HPSE2: variants seen among roughly 807,000 people sequenced by gnomAD.
The protein encoded by HPSE2 is inactive heparanase-2.
Under a neutral mutation model 60.5 loss-of-function variants are expected in HPSE2, and 38 were observed. The ratio of observed to expected loss-of-function variants is 0.63; its 90% confidence interval spans 0.48 to 0.82. The LOEUF is 0.82. Among genes scored for constraint, HPSE2 ranks in the 40% least tolerant of loss-of-function variants. HPSE2 has a pLI of 0.00. For missense variants in HPSE2, 713 were observed against 740.4 expected (o/e 0.96, Z 0.43); for synonymous variants, 295 against 293.2 (o/e 1.01, Z -0.06).
intron 3 of HPSE2, among the ~76,000 whole-genome samples, chr10:99,046,516 T>C (rs566639745): frequency 1.3e-5 from 2 of 151,694 alleles, no homozygotes; most frequent in Non-Finnish European, 2.9e-5. Flanking sequence ...AAAACACAAA[T>C]AGGAAAAGAA....
At chr10:98,489,523 G>A (rs1353047947) in intron 10 of HPSE2, among the ~76,000 whole-genome samples, 2 of 152,162 alleles carry the variant, frequency 1.3e-5, no homozygotes, top group African/African-American at 4.8e-5. Flanking sequence ...ACTGGAAATG[G>A]CTCTAAAGCT....
intron 4 of HPSE2, among the ~76,000 whole-genome samples, chr10:98,725,872 A>C (rs917673834): frequency 6.6e-6 from 1 of 152,192 alleles, no homozygotes; most frequent in Admixed American, 6.5e-5. Context: ...GCAGCCAAAA[A>C]ACACATGAAA....
At chr10:98,620,458 T>G (rs1476156311) in intron 8 of HPSE2, 144 bp downstream of exon 8, 2 of 702,736 alleles carry the variant, frequency 2.8e-6, no homozygotes, top group Non-Finnish European at 5.2e-6. Flanking sequence ...TTGAATGGTT[T>G]AAGACACACA....
chr10:99,091,602 T>C (rs1411902892), intron 3 of HPSE2, among the ~76,000 whole-genome samples: 1 of 152,146 alleles, frequency 6.6e-6, no homozygotes, highest in Non-Finnish European at 1.5e-5. Flanking sequence ...ACAAAAAAAA[T>C]GAAGGCACAA....
chr10:98,941,642 T>C (rs1025423225), intron 3 of HPSE2, among the ~76,000 whole-genome samples: 2 of 137,008 alleles, frequency 1.5e-5, no homozygotes, highest in Non-Finnish European at 3.1e-5. Context: ...ATCGTGAAAA[T>C]GGCCATACTG....
intron 3 of HPSE2, among the ~76,000 whole-genome samples, chr10:98,833,499 A>T (rs1226318303): frequency 6.6e-6 from 1 of 152,202 alleles, no homozygotes; most frequent in Non-Finnish European, 1.5e-5. Context: ...AATAGGTAAC[A>T]TTCATTGAGC....
intron 3 of HPSE2, among the ~76,000 whole-genome samples, chr10:98,985,142 G>A (rs552167604): frequency 2.0e-5 from 3 of 152,070 alleles, no homozygotes; most frequent in South Asian, 2.1e-4. Flanking sequence ...TACAGAGAAC[G>A]CCACAAAGAT....
chr10:98,732,999 T>TGGGC (rs1949265613), intron 4 of HPSE2, among the ~76,000 whole-genome samples: 1 of 152,176 alleles, frequency 6.6e-6, no homozygotes, highest in African/African-American at 2.4e-5. Context: ...GGCTAGTAAG[T>TGGGC]ACATGAAAAG....
intron 2 of HPSE2, among the ~76,000 whole-genome samples, chr10:99,175,898 C>G (rs1847508371): frequency 6.6e-6 from 1 of 152,144 alleles, no homozygotes; most frequent in Non-Finnish European, 1.5e-5. Flanking sequence ...GCAGGTGTCC[C>G]CCTGGAATGA....
intron 9 of HPSE2, among the ~76,000 whole-genome samples, chr10:98,498,064 G>A (rs2133701440): frequency 6.6e-6 from 1 of 152,228 alleles, no homozygotes; most frequent in East Asian, 1.9e-4. Flanking sequence ...TTTAAATATA[G>A]CTTTGAGGAG....
chr10:99,133,678 G>GA (rs1845534469), intron 3 of HPSE2, among the ~76,000 whole-genome samples: 1 of 152,018 alleles, frequency 6.6e-6, no homozygotes, highest in Admixed American at 6.6e-5. Context: ...CTAACAAATA[G>GA]AAAAAAATAG....
At chr10:98,485,819 A>AGCCACATGCTT (rs1157195293) in intron 10 of HPSE2, among the ~76,000 whole-genome samples, 1 of 152,068 alleles carries the variant, frequency 6.6e-6, no homozygotes, top group Non-Finnish European at 1.5e-5. Context: ...AGGAGGAGAG[A>AGCCACATGCTT]GCCACATGCT....
At chr10:99,186,164 ATAAT>A (rs1485755834) in intron 2 of HPSE2, among the ~76,000 whole-genome samples, 19 of 150,184 alleles carry the variant, frequency 1.3e-4, no homozygotes, top group Non-Finnish European at 5.9e-5. Flanking sequence ...AAGGCATATC[ATAAT>A]TAAACTGCTA....
At chr10:98,508,404 C>T (rs1035983477) in intron 9 of HPSE2, among the ~76,000 whole-genome samples, 2 of 152,144 alleles carry the variant, frequency 1.3e-5, no homozygotes, top group Non-Finnish European at 2.9e-5. Context: ...ACTATGTGTT[C>T]CCCGAGGTCT....
chr10:99,067,255 T>C (rs1156621078), intron 3 of HPSE2, among the ~76,000 whole-genome samples: 1 of 152,142 alleles, frequency 6.6e-6, no homozygotes, highest in Non-Finnish European at 1.5e-5. Context: ...TCCAGGTGCA[T>C]GGTGCAATCT....
intron 3 of HPSE2, among the ~76,000 whole-genome samples, chr10:99,111,237 T>C (rs1454231968): frequency 6.6e-6 from 1 of 152,200 alleles, no homozygotes; most frequent in Non-Finnish European, 1.5e-5. Flanking sequence ...AGTATTGAGT[T>C]GGGACTTGTC....
At chr10:99,099,264 G>A (rs769097105) in intron 3 of HPSE2, among the ~76,000 whole-genome samples, 9 of 152,204 alleles carry the variant, frequency 5.9e-5, no homozygotes, top group Non-Finnish European at 1.0e-4. Context: ...TGTGACAGAC[G>A]GCACCTGGAA....
chr10:98,924,305 G>C (rs1381778597), intron 3 of HPSE2, among the ~76,000 whole-genome samples: 1 of 152,210 alleles, frequency 6.6e-6, no homozygotes, highest in African/African-American at 2.4e-5. Flanking sequence ...CACTGGGACT[G>C]TGCTGGGTCA....
chr10:99,074,270 G>C (rs973860816), intron 3 of HPSE2, among the ~76,000 whole-genome samples: 2 of 152,052 alleles, frequency 1.3e-5, no homozygotes, highest in Non-Finnish European at 2.9e-5. Flanking sequence ...ATAAAAGCGT[G>C]TTGAATTTTG....
Sources: gnomAD v4.1 joint callset for allele counts (sites outside exome capture counted in the v4.1 genomes callset) on GRCh38, gnomAD v4.1.1 for gene constraint, MANE v1.5 for transcripts, NCBI Gene and HGNC (gene_info 2026-07-23, HGNC 2026-07-21) for gene names.